Variants in QTGAL observed in about 807,000 individuals in gnomAD.
The protein encoded by QTGAL is BGnT-like protein 1.
chr17:82,965,611 A>C, the QTGAL span: 2 of 1,538,770 alleles, frequency 1.3e-6, no homozygotes, highest in South Asian at 1.2e-5. Flanking sequence ...CAGGGCCCCG[A>C]ACCTGGGGGA....
chr17:82,974,476 C>A, the QTGAL span, among the ~76,000 whole-genome samples: 2 of 152,222 alleles, frequency 1.3e-5, no homozygotes, highest in South Asian at 2.1e-4. Flanking sequence ...GGAGTCAGGG[C>A]GGACTTGGTG....
chr17:82,960,037 G>A, the QTGAL span, among the ~76,000 whole-genome samples: 1 of 152,224 alleles, frequency 6.6e-6, no homozygotes, highest in African/African-American at 2.4e-5. Context: ...AGCATTTCTG[G>A]AAATGTTGCA....
the QTGAL span, among the ~76,000 whole-genome samples, chr17:82,998,388 C>T: frequency 1.3e-3 from 191 of 152,324 alleles, no homozygotes; most frequent in African/African-American, 4.0e-3. Context: ...CTCTGTCTCC[C>T]AGGCTGGAGT....
the QTGAL span, among the ~76,000 whole-genome samples, chr17:82,965,234 A>G: frequency 6.9e-6 from 1 of 145,490 alleles, no homozygotes; most frequent in Admixed American, 6.8e-5. Flanking sequence ...CTGCAGGTGC[A>G]CCCCCATGGG....
chr17:82,984,282 G>C, the QTGAL span, among the ~76,000 whole-genome samples: 1 of 120,854 alleles, frequency 8.3e-6, no homozygotes, highest in Non-Finnish European at 1.7e-5. Flanking sequence ...GAGAGGCCAC[G>C]TGAGCACACG....
chr17:83,050,488 TATA>T, the QTGAL span, among the ~76,000 whole-genome samples: 13 of 152,188 alleles, frequency 8.5e-5, no homozygotes, highest in Non-Finnish European at 1.6e-4. Context: ...ATCTACAAAA[TATA>T]ATGTTTCTAT....
the QTGAL span, chr17:83,007,193 A>G: frequency 1.0e-6 from 1 of 981,854 alleles, no homozygotes; most frequent in Non-Finnish European, 1.2e-6. Context: ...ATGCTGCTGA[A>G]TTCTATCTGT....
At chr17:83,026,368 C>T in the QTGAL span, among the ~76,000 whole-genome samples, 1 of 152,254 alleles carries the variant, frequency 6.6e-6, no homozygotes, top group African/African-American at 2.4e-5. Flanking sequence ...AACCTGGTGG[C>T]AGCCCAAAAG....
the QTGAL span, among the ~76,000 whole-genome samples, chr17:83,033,762 C>T: frequency 9.4e-3 from 1,437 of 152,170 alleles, 23 homozygotes; most frequent in African/African-American, 0.032. Flanking sequence ...TGAGCCACCG[C>T]GCCCGGCCTA....
the QTGAL span, among the ~76,000 whole-genome samples, chr17:83,009,361 T>C: frequency 6.6e-6 from 1 of 151,276 alleles, no homozygotes; most frequent in African/African-American, 2.4e-5. Flanking sequence ...GAGGCGGAGG[T>C]TGCAGTGAGC....
the QTGAL span, among the ~76,000 whole-genome samples, chr17:83,004,911 C>T: frequency 1.4e-4 from 21 of 152,360 alleles, no homozygotes; most frequent in East Asian, 2.5e-3. Flanking sequence ...CCTGAACTGC[C>T]GGCCTGAGAC....
the QTGAL span, among the ~76,000 whole-genome samples, chr17:83,016,873 G>C: frequency 3.0e-4 from 45 of 152,224 alleles, no homozygotes; most frequent in African/African-American, 1.1e-3. Flanking sequence ...AGGAACCACA[G>C]GCACCACCTA....
chr17:82,951,727 T>TA, the QTGAL span, among the ~76,000 whole-genome samples: 4 of 142,148 alleles, frequency 2.8e-5, no homozygotes, highest in Non-Finnish European at 6.0e-5. Flanking sequence ...CTTGAACACT[T>TA]AGAGTCCACT....
the QTGAL span, among the ~76,000 whole-genome samples, chr17:82,962,545 ACCCTCACACGG>A: frequency 3.7e-4 from 42 of 113,272 alleles, no homozygotes; most frequent in South Asian, 6.3e-4. Context: ...GTGGACACGG[ACCCTCACACGG>A]GTGATTTAGG....
the QTGAL span, among the ~76,000 whole-genome samples, chr17:82,946,434 C>T: frequency 0.6 from 91,171 of 151,996 alleles, 28,167 homozygotes; most frequent in South Asian, 0.83. Flanking sequence ...TTAGAAGATA[C>T]TAAAGCAAAC....
chr17:83,023,791 G>A, the QTGAL span, among the ~76,000 whole-genome samples: 1 of 152,206 alleles, frequency 6.6e-6, no homozygotes, highest in Non-Finnish European at 1.5e-5. Context: ...CTGCAGGGAA[G>A]AGCTGGAAGG....
the QTGAL span, among the ~76,000 whole-genome samples, chr17:83,001,400 C>A: frequency 2.6e-5 from 4 of 152,132 alleles, no homozygotes; most frequent in Admixed American, 6.5e-5. Flanking sequence ...TTCTTTAGAT[C>A]TCAATTCAAA....
chr17:82,962,317 C>T, the QTGAL span, among the ~76,000 whole-genome samples: 1 of 152,244 alleles, frequency 6.6e-6, no homozygotes, highest in African/African-American at 2.4e-5. Context: ...ACCACGATGA[C>T]ATGGAAAGAT....
chr17:83,045,680 T>C, the QTGAL span, among the ~76,000 whole-genome samples: 1 of 152,218 alleles, frequency 6.6e-6, no homozygotes, highest in Non-Finnish European at 1.5e-5. Context: ...TTGCAAATTA[T>C]ATATAATAAA....
Sources: gnomAD v4.1 joint callset for allele counts (sites outside exome capture counted in the v4.1 genomes callset) on GRCh38, gnomAD v4.1.1 for gene constraint, MANE v1.5 for transcripts, NCBI Gene and HGNC (gene_info 2026-07-23, HGNC 2026-07-21) for gene names.